The following PTPRT variants were observed in gnomAD, a reference collection of about 807,000 sequenced individuals.
The protein encoded by PTPRT is receptor-type tyrosine-protein phosphatase T.
PTPRT carries 56 observed loss-of-function variants against 176.8 expected under a neutral mutation model. The ratio of observed to expected loss-of-function variants is 0.32; its 90% CI spans 0.26 to 0.40. PTPRT has a LOEUF of 0.40. Among genes scored for constraint, PTPRT ranks in the 10% least tolerant of loss-of-function variants. The probability of loss-of-function intolerance (pLI) is 1.00; values close to 1 mark genes in which losing one functional copy is unlikely to be tolerated. For missense variants in PTPRT, 1,540 were observed against 1,908.2 expected, an observed-to-expected ratio of 0.81 and a Z score of 3.60; for synonymous variants, 783 against 739.0, an observed-to-expected ratio of 1.06 and a Z score of -0.96.
intron 2 of PTPRT, among the ~76,000 whole-genome samples, chr20:42,819,993 A>G (rs1343284257): frequency 1.3e-5 from 2 of 152,208 alleles, no homozygotes; most frequent in African/African-American, 2.4e-5. Context: ...CTCACTCTCA[A>G]TATTAGACAG....
intron 9 of PTPRT, among the ~76,000 whole-genome samples, chr20:42,438,603 G>C (rs534161581): frequency 6.6e-6 from 1 of 152,316 alleles, no homozygotes; most frequent in East Asian, 1.9e-4. Context: ...ACATGTGACA[G>C]TGTAGAACTA....
intron 22 of PTPRT, among the ~76,000 whole-genome samples, chr20:42,111,509 A>C (rs768874064): frequency 2.6e-5 from 4 of 152,182 alleles, no homozygotes; most frequent in Non-Finnish European, 4.4e-5. Context: ...ATCTGAGGAG[A>C]AGAGAAATCC....
intron 6 of PTPRT, among the ~76,000 whole-genome samples, chr20:42,715,008 C>T (rs950695937): frequency 5.3e-5 from 8 of 152,254 alleles, no homozygotes; most frequent in Non-Finnish European, 1.0e-4. Context: ...TCCTGGCCCA[C>T]CTGCAGTGGA....
At chr20:43,109,590 C>G (rs2012775289) in intron 1 of PTPRT, among the ~76,000 whole-genome samples, 1 of 152,076 alleles carries the variant, frequency 6.6e-6, no homozygotes, top group Non-Finnish European at 1.5e-5. Flanking sequence ...ACGAACAAGT[C>G]AGACATGGTC....
At chr20:42,170,752 A>C (rs1045764189) in intron 16 of PTPRT, among the ~76,000 whole-genome samples, 25 of 152,348 alleles carry the variant, frequency 1.6e-4, no homozygotes, top group African/African-American at 5.3e-4. Flanking sequence ...TATAAAAGAC[A>C]TAATTGCTGT....
rs1175794260 is a variant in PTPRT, at chr20:42,692,691, G to C, written c.860-14532C>G. ...AAAAGAAATAAAAGAAATAAATGTT[G>C]GAAATGAAGTAATAAAGCTTTCATT... On this transcript the variant is annotated intron_variant, in intron 6 of 30. Transcript: ENST00000373187. Among the ~76,000 whole-genome samples, 4 of 151,974 alleles carry C rather than the reference G, an allele frequency of 2.6e-5. No homozygotes were observed. The East Asian group carries it at 7.7e-4, about 29-fold the overall frequency.
intron 15 of PTPRT, among the ~76,000 whole-genome samples, chr20:42,211,274 A>G (rs2055619754): frequency 6.6e-6 from 1 of 151,726 alleles, no homozygotes; most frequent in Non-Finnish European, 1.5e-5. Context: ...AGCAATGGCA[A>G]CAAAAGACAA....
chr20:43,052,699 G>A (rs559403028), intron 1 of PTPRT, among the ~76,000 whole-genome samples: 7 of 152,300 alleles, frequency 4.6e-5, no homozygotes, highest in Non-Finnish European at 8.8e-5. Flanking sequence ...AGTTTCTGGC[G>A]TAATCACAGA....
intron 1 of PTPRT, among the ~76,000 whole-genome samples, chr20:42,993,455 T>C (rs1600630715): frequency 1.1e-5 from 1 of 93,530 alleles, no homozygotes; most frequent in East Asian, 2.5e-4. Context: ...TATATATATG[T>C]ATGTGTGTGT....
intron 6 of PTPRT, among the ~76,000 whole-genome samples, chr20:42,712,129 T>C (rs1166640266): frequency 6.6e-6 from 1 of 152,128 alleles, no homozygotes. Flanking sequence ...ATGAGGGCAT[T>C]CTGACAGCAA....
At chr20:42,362,727 C>T (rs995871690) in intron 9 of PTPRT, among the ~76,000 whole-genome samples, 1 of 152,102 alleles carries the variant, frequency 6.6e-6, no homozygotes, top group Non-Finnish European at 1.5e-5. Context: ...ATACAAGATG[C>T]TAACATAAGG....
chr20:42,921,725 T>G (rs2145954327), intron 1 of PTPRT, among the ~76,000 whole-genome samples: 1 of 152,314 alleles, frequency 6.6e-6, no homozygotes, highest in South Asian at 2.1e-4. Context: ...GCATCCGATC[T>G]CAGAACACTG....
Position 42,885,874 on chromosome 20 carries a change from G to C in PTPRT, c.147C>G (p.Thr49=). ...SNCGYSVALG[T]NGFTWEQINT... is the part of the protein sequence containing the mutation. ...TAATCTGCTCCCAGGTGAACCCATTGGTCCCTAGAGCCACACTATAACCAC... is the reference window on the plus strand; with the variant it reads ...TAATCTGCTCCCAGGTGAACCCATTCGTCCCTAGAGCCACACTATAACCAC... The change falls in exon 2 of 31, where the codon ACC becomes ACG. Residue 49 remains threonine, a synonymous_variant. Transcript: ENST00000373187. 1 of 1,611,006 alleles carries C rather than the reference G, an allele frequency of 6.2e-7. No homozygotes were observed. The highest frequency in any genetic ancestry group is 8.5e-7 in the Non-Finnish European group (1 of 1,178,018).
chr20:42,949,156 C>A lies in PTPRT; in HGVS notation c.89-63224G>T, dbSNP rs149709038. Among the ~76,000 whole-genome samples, 7 of 152,346 alleles carry A rather than the reference C, an allele frequency of 4.6e-5. No individual in the cohort carries two copies. The East Asian group carries it at 1.3e-3, about 29-fold the overall frequency. On this transcript the variant is annotated intron_variant, in intron 1 of 30. Transcript: ENST00000373187. ...ATCTCCAAGATGTCTGCCATCAATT[C>A]TTTGCCTCCCTGGACATGCAAGTCA... is the stretch of plus-strand genomic sequence containing the variant.
chr20:42,350,374 G>A lies in PTPRT; in HGVS notation c.1865+254C>T, dbSNP rs569082920. Among the ~76,000 whole-genome samples, 215 of 151,968 alleles carry A rather than the reference G, an allele frequency of 1.4e-3. No individual in the cohort carries two copies. In the Middle Eastern group the frequency reaches 0.017, roughly 12 times the overall value. On this transcript the variant is annotated intron_variant, in intron 11 of 30. Coordinates refer to ENST00000373187, the MANE Select transcript of PTPRT (RefSeq NM_007050.6). Reference sequence around the variant, plus strand: ...CTCTCGAGTAGCCGGTACTACAGGCGTGTGCTACCACATCCAGCTAATTTA... The same window carrying A: ...CTCTCGAGTAGCCGGTACTACAGGCATGTGCTACCACATCCAGCTAATTTA...
intron 6 of PTPRT, among the ~76,000 whole-genome samples, chr20:42,711,275 T>C (rs989875331): frequency 1.3e-5 from 2 of 152,116 alleles, no homozygotes; most frequent in African/African-American, 4.8e-5. Context: ...AGGGGTGGAA[T>C]GATATAGTTT....
intron 27 of PTPRT, among the ~76,000 whole-genome samples, chr20:42,094,725 A>G (rs35123654): frequency 6.6e-6 from 1 of 152,158 alleles, no homozygotes; most frequent in African/African-American, 2.4e-5. Flanking sequence ...CCCCATCTCT[A>G]CTAAACATAC....
At chr20:42,144,667 T>C (rs1259090286) in intron 17 of PTPRT, among the ~76,000 whole-genome samples, 1 of 152,178 alleles carries the variant, frequency 6.6e-6, no homozygotes, top group Non-Finnish European at 1.5e-5. Flanking sequence ...TATCAGACCA[T>C]GTTTTGATTA....
chr20:42,365,921 G>A (rs1600899757), intron 9 of PTPRT, among the ~76,000 whole-genome samples: 1 of 152,184 alleles, frequency 6.6e-6, no homozygotes, highest in Non-Finnish European at 1.5e-5. Flanking sequence ...GCTAATATTG[G>A]AGTTGCATTG....
Sources: gnomAD v4.1 joint callset for allele counts (sites outside exome capture counted in the v4.1 genomes callset) on GRCh38, gnomAD v4.1.1 for gene constraint, MANE v1.5 for transcripts, NCBI Gene and HGNC (gene_info 2026-07-23, HGNC 2026-07-21) for gene names.